The following NRP1 variants were observed in gnomAD, a reference collection of about 807,000 sequenced individuals.
NRP1 encodes the protein neuropilin 1.
Under a neutral mutation model 106.7 loss-of-function variants are expected in NRP1, and 35 were observed. The observed-to-expected ratio is 0.33, with a 90% CI of 0.25 to 0.43. NRP1 has a LOEUF of 0.43. NRP1 is among the 20% of genes least tolerant of loss of function. The pLI, the probability that NRP1 is intolerant of heterozygous loss-of-function variation, is 1.00. For synonymous variants in NRP1, 437 were observed against 417.9 expected (o/e 1.05, Z -0.56); for missense variants, 1,024 against 1,170.4 (o/e 0.87, Z 1.83).
intron 7 of NRP1, among the ~76,000 whole-genome samples, chr10:33,222,701 G>T (rs1053469710): frequency 6.6e-6 from 1 of 151,840 alleles, no homozygotes; most frequent in Non-Finnish European, 1.5e-5. Context: ...TTGTATTTTT[G>T]GTAGAGATGG....
intron 2 of NRP1, among the ~76,000 whole-genome samples, chr10:33,314,058 TCCTCCCTCCCTC>T (rs140495312): frequency 1.6e-5 from 2 of 128,558 alleles, no homozygotes; most frequent in Admixed American, 8.0e-5. Context: ...TTCTTTCTAT[TCCTCCCTCCCTC>T]CCTCCCTCCC....
intron 1 of NRP1, among the ~76,000 whole-genome samples, chr10:33,331,939 T>C (rs930968142): frequency 1.3e-5 from 2 of 152,182 alleles, no homozygotes; most frequent in Non-Finnish European, 1.5e-5. Context: ...CAATCACAAA[T>C]TTTCAGTAAT....
At chr10:33,279,506 G>A (rs962967148) in intron 2 of NRP1, among the ~76,000 whole-genome samples, 1 of 152,132 alleles carries the variant, frequency 6.6e-6, no homozygotes, top group Non-Finnish European at 1.5e-5. Flanking sequence ...ATTTCCACAG[G>A]CTTCTGGAAA....
At chr10:33,267,526 A>C (rs1564439283) in intron 3 of NRP1, among the ~76,000 whole-genome samples, 1 of 152,198 alleles carries the variant, frequency 6.6e-6, no homozygotes, top group Non-Finnish European at 1.5e-5. Flanking sequence ...TTAAATGCAC[A>C]AACTCTCAAT....
intron 3 of NRP1, among the ~76,000 whole-genome samples, chr10:33,270,451 T>C (rs1843226096): frequency 6.6e-6 from 1 of 151,908 alleles, no homozygotes. Context: ...CTTAGCCTCC[T>C]GAGTAGCTGG....
chr10:33,197,915 C>T (rs560636094), intron 11 of NRP1, among the ~76,000 whole-genome samples: 5 of 151,024 alleles, frequency 3.3e-5, no homozygotes, highest in African/African-American at 4.9e-5. Flanking sequence ...TTTTACCTAA[C>T]GCATTTCTTT....
chr10:33,217,671 G>A (rs972473798), intron 8 of NRP1, among the ~76,000 whole-genome samples: 11 of 152,138 alleles, frequency 7.2e-5, no homozygotes, highest in African/African-American at 2.4e-4. Context: ...GTACACATAT[G>A]TCTCAAATAT....
intron 2 of NRP1, among the ~76,000 whole-genome samples, chr10:33,275,530 T>C (rs2776926): frequency 0.85 from 129,649 of 151,952 alleles, 55,992 homozygotes; most frequent in East Asian, 0.97. Context: ...ATGGCGCCAC[T>C]GCACACTAGC....
At chr10:33,183,323 C>T (rs1041391052) in intron 15 of NRP1, among the ~76,000 whole-genome samples, 1 of 141,390 alleles carries the variant, frequency 7.1e-6, no homozygotes, top group Non-Finnish European at 1.5e-5. Context: ...GCAAAAACAA[C>T]AACAACAAAT....
intron 5 of NRP1, among the ~76,000 whole-genome samples, chr10:33,254,444 T>A (rs1298370946): frequency 6.6e-6 from 1 of 152,212 alleles, no homozygotes; most frequent in African/African-American, 2.4e-5. Context: ...TATTTGAAAT[T>A]TACCAGGAAA....
At chr10:33,271,766 C>A (rs931296803) in intron 2 of NRP1, among the ~76,000 whole-genome samples, 8 of 152,130 alleles carry the variant, frequency 5.3e-5, no homozygotes, top group African/African-American at 1.9e-4. Context: ...AAGCCATCAC[C>A]AATACACTAG....
At chr10:33,271,165 C>T (rs1395888359) in intron 2 of NRP1, among the ~76,000 whole-genome samples, 7 of 152,090 alleles carry the variant, frequency 4.6e-5, no homozygotes, top group Admixed American at 3.3e-4. Context: ...TGAGCACAAT[C>T]CTCTATTATT....
chr10:33,199,886 T>C (rs11009281), intron 11 of NRP1, among the ~76,000 whole-genome samples: 17,571 of 152,180 alleles, frequency 0.12, 1,425 homozygotes, highest in East Asian at 0.5. Flanking sequence ...GAAATCATGT[T>C]ACATATCCAT....
rs771549854 is a variant in NRP1, at chr10:33,221,834, A to G, written c.1167T>C (p.Asp389=). The part of the protein sequence containing the change: ...VLFQGNTNPT[D]VVVAVFPKPL... ...GTTTGGGGAATACTGCAACCACAAC[A>G]TCTGTGGGGTTGGTGTTTCCCTGAA... Residue 389 remains aspartate, a synonymous_variant, in exon 8 of 17, where the codon GAT becomes GAC. Transcript: ENST00000374867. 3.7e-6 allele frequency: 6 copies of G among 1,613,808 alleles called. No individual in the cohort carries two copies. The East Asian group carries it at 6.7e-5, about 18-fold the overall frequency.
At chr10:33,226,425 A>G in intron 6 of NRP1, 136 bp from the exon 7 acceptor site, 1 of 795,818 alleles carries the variant, frequency 1.3e-6, no homozygotes, top group Non-Finnish European at 1.9e-6. Context: ...GGGTGTCCAC[A>G]GTCCCTGACT....
chr10:33,235,254 A>C (rs1840465422), intron 6 of NRP1, among the ~76,000 whole-genome samples: 1 of 152,216 alleles, frequency 6.6e-6, no homozygotes, highest in Admixed American at 6.5e-5. Flanking sequence ...AAGAAACAAA[A>C]GGGACTCGAT....
chr10:33,195,305 C>A, intron 12 of NRP1: 1 of 341,596 alleles, frequency 2.9e-6, no homozygotes, highest in Non-Finnish European at 5.7e-6. Context: ...GCTGGAGGAG[C>A]CTCAGAGGGT....
chr10:33,304,989 CTTG>C (rs1330044335), intron 2 of NRP1, among the ~76,000 whole-genome samples: 12 of 152,228 alleles, frequency 7.9e-5, no homozygotes, highest in Non-Finnish European at 1.8e-4. Context: ...TGAAGAATGA[CTTG>C]CTGTAGAGCA....
At chr10:33,184,362 G>A (rs1419545249) in intron 15 of NRP1, among the ~76,000 whole-genome samples, 1 of 152,194 alleles carries the variant, frequency 6.6e-6, no homozygotes, top group Non-Finnish European at 1.5e-5. Flanking sequence ...TTTGCATATG[G>A]TATGTAGTCA....
Sources: gnomAD v4.1 joint callset for allele counts (sites outside exome capture counted in the v4.1 genomes callset) on GRCh38, gnomAD v4.1.1 for gene constraint, MANE v1.5 for transcripts, NCBI Gene and HGNC (gene_info 2026-07-23, HGNC 2026-07-21) for gene names.